Variants in RBFOX2 observed in about 807,000 individuals in gnomAD.
RBFOX2 encodes the protein RNA binding fox-1 homolog 2.
Under a neutral mutation model 49.1 loss-of-function variants are expected in RBFOX2, and 10 were observed. That is an observed-to-expected ratio of 0.20 (90% CI 0.13 to 0.35). The LOEUF (loss-of-function observed/expected upper bound fraction) is 0.35, where lower values mean the gene tolerates loss of function less well. Ranked by LOEUF, RBFOX2 falls within the 10% of genes least tolerant of loss-of-function variation. RBFOX2 has a pLI of 1.00. For synonymous variants in RBFOX2, 183 were observed against 187.4 expected (o/e 0.98, Z 0.19); for missense variants, 323 against 486.9 (o/e 0.66, Z 3.17).
chr22:35,987,702 GGC>G (rs2057781462), intron 1 of RBFOX2, among the ~76,000 whole-genome samples: 1 of 152,132 alleles, frequency 6.6e-6, no homozygotes, highest in Admixed American at 6.6e-5. Flanking sequence ...CATGAGAGGA[GGC>G]AGCAATCACA....
chr22:35,850,509 C>T (rs562634534), intron 1 of RBFOX2, among the ~76,000 whole-genome samples: 115 of 152,250 alleles, frequency 7.6e-4, no homozygotes, highest in African/African-American at 2.6e-3. Flanking sequence ...GCAGGGTACA[C>T]TTGCTCAGCT....
At chr22:35,970,473 A>C (rs1344114271) in intron 1 of RBFOX2, among the ~76,000 whole-genome samples, 2 of 139,598 alleles carry the variant, frequency 1.4e-5, no homozygotes, top group Non-Finnish European at 3.0e-5. Context: ...ATACAGTGAG[A>C]CCCATCTCAA....
intron 1 of RBFOX2, among the ~76,000 whole-genome samples, chr22:35,818,841 T>G (rs970737322): frequency 1.3e-5 from 2 of 152,180 alleles, no homozygotes; most frequent in Non-Finnish European, 2.9e-5. Context: ...AATAAAACAC[T>G]GGCAAAGTAG....
At chr22:35,966,570 A>G (rs1452033023), upstream of RBFOX2, among the ~76,000 whole-genome samples, 1 of 152,138 alleles carries the variant, frequency 6.6e-6, no homozygotes, top group Non-Finnish European at 1.5e-5. Flanking sequence ...TATTTGCTTT[A>G]GCCTGATGAT....
chr22:35,788,654 A>G (rs1184965455), intron 2 of RBFOX2, among the ~76,000 whole-genome samples: 4 of 152,246 alleles, frequency 2.6e-5, no homozygotes, highest in African/African-American at 9.6e-5. Context: ...CTGCTGAGAA[A>G]TCTGAAGGCA....
intron 2 of RBFOX2, among the ~76,000 whole-genome samples, chr22:35,790,028 G>A (rs1454903105): frequency 6.6e-6 from 1 of 152,162 alleles, no homozygotes; most frequent in Non-Finnish European, 1.5e-5. Context: ...CTTCAAAAAA[G>A]TCTTCCAATC....
chr22:35,854,053 A>G (rs890234348), intron 1 of RBFOX2, among the ~76,000 whole-genome samples: 5 of 152,070 alleles, frequency 3.3e-5, no homozygotes, highest in African/African-American at 1.2e-4. Context: ...TCTGTTAAAA[A>G]TACAAAAAAT....
At chr22:35,793,750 T>C (rs1948230425) in intron 2 of RBFOX2, among the ~76,000 whole-genome samples, 1 of 152,228 alleles carries the variant, frequency 6.6e-6, no homozygotes, top group African/African-American at 2.4e-5. Flanking sequence ...TCTGTGCATT[T>C]GAACACTGTT....
intron 1 of RBFOX2, among the ~76,000 whole-genome samples, chr22:35,828,822 C>A (rs1005676509): frequency 6.6e-6 from 1 of 152,060 alleles, no homozygotes; most frequent in African/African-American, 2.4e-5. Flanking sequence ...GAGGCCGAGG[C>A]GGGCGGATCT....
intron 1 of RBFOX2, among the ~76,000 whole-genome samples, chr22:35,901,368 C>G (rs2048549158): frequency 6.6e-6 from 1 of 152,208 alleles, no homozygotes; most frequent in African/African-American, 2.4e-5. Context: ...ACAAATGAAG[C>G]CAGGTGTGGT....
At chr22:35,985,945 TAG>T in intron 1 of RBFOX2, among the ~76,000 whole-genome samples, 1 of 141,860 alleles carries the variant, frequency 7.0e-6, no homozygotes, top group South Asian at 2.2e-4. Context: ...GATAGATAGA[TAG>T]ATAGATAGAG....
Position 35,830,717 on chromosome 22 carries a change from T to C in RBFOX2, c.27+9475A>G, listed in dbSNP as rs1956631507. The stretch of plus-strand genomic sequence containing the variant: ...GTAAAAATACAGTATTATAATCTTA[T>C]GGAACCACTATTGTGTATGCAGTCT... On this transcript the variant is annotated intron_variant, in intron 1 of 11. Transcript: ENST00000405409. Among the ~76,000 whole-genome samples the C allele has an allele frequency of 2.0e-5, 3 of 152,228 alleles. No individual in the cohort carries two copies. The South Asian group carries it at 6.2e-4, about 31-fold the overall frequency.
intron 1 of RBFOX2, among the ~76,000 whole-genome samples, chr22:35,908,690 T>C (rs958528146): frequency 2.0e-5 from 3 of 152,134 alleles, no homozygotes; most frequent in African/African-American, 7.2e-5. Flanking sequence ...ATACTATTGT[T>C]ATCATTACAA....
rs115242093 is a variant in RBFOX2, at chr22:35,930,556, G to A, written c.-34+8291C>T. ...TAAAACTGCTAATTTCTGGGCAGGCGCAGTGGCTCATACCTGTAATCCCAG... is the reference window on the plus strand; with the variant it reads ...TAAAACTGCTAATTTCTGGGCAGGCACAGTGGCTCATACCTGTAATCCCAG... On this transcript the variant is annotated intron_variant, in intron 1 of 13. Transcript: ENST00000359369. Among the ~76,000 whole-genome samples the A allele has an allele frequency of 2.7e-3, 416 of 151,992 alleles. 4 individuals are homozygous for A. Among genetic ancestry groups the A allele is most frequent in the African/African-American group, 9.8e-3 (405 of 41,452 alleles).
chr22:35,878,407 A>G lies in RBFOX2; in HGVS notation c.-34+60440T>C, dbSNP rs531108948. On this transcript the variant is annotated intron_variant, in intron 1 of 13. Transcript: ENST00000359369. ...GAGTGAAACTCCATCTAAATAAATA[A>G]TAAAATAAAATAAAGATACAGGGTC... 3.9e-5 allele frequency among the ~76,000 whole-genome samples: 6 copies of G among 152,138 alleles called. No homozygotes were observed. In the East Asian group the frequency reaches 9.7e-4, roughly 25 times the overall value.
chr22:35,827,445 T>C (rs922431805), intron 1 of RBFOX2, among the ~76,000 whole-genome samples: 1 of 151,864 alleles, frequency 6.6e-6, no homozygotes, highest in African/African-American at 2.4e-5. Context: ...GCTAATGACT[T>C]TTTTCCCCCC....
At chr22:35,887,797 CA>C (rs2046774509) in intron 1 of RBFOX2, among the ~76,000 whole-genome samples, 1 of 152,084 alleles carries the variant, frequency 6.6e-6, no homozygotes, top group Non-Finnish European at 1.5e-5. Flanking sequence ...ATTTTTCCAC[CA>C]CCTCACCTAA....
chr22:35,895,279 A>G (rs1173392467), intron 1 of RBFOX2, among the ~76,000 whole-genome samples: 1 of 152,234 alleles, frequency 6.6e-6, no homozygotes, highest in Admixed American at 6.5e-5. Flanking sequence ...CACCAGCACC[A>G]GTTTCTAGTG....
intron 1 of RBFOX2, among the ~76,000 whole-genome samples, chr22:36,027,256 C>T (rs1363106939): frequency 6.6e-6 from 1 of 152,160 alleles, no homozygotes; most frequent in Non-Finnish European, 1.5e-5. Flanking sequence ...GATGTCTAGT[C>T]CTCCTAGCAT....
Sources: gnomAD v4.1 joint callset for allele counts (sites outside exome capture counted in the v4.1 genomes callset) on GRCh38, gnomAD v4.1.1 for gene constraint, MANE v1.5 for transcripts, NCBI Gene and HGNC (gene_info 2026-07-23, HGNC 2026-07-21) for gene names.